Variants in RALYL observed in about 807,000 individuals in gnomAD.
RALYL encodes the protein RNA-binding Raly-like protein.
Under a neutral mutation model 35.1 loss-of-function variants are expected in RALYL, and 29 were observed. The observed-to-expected ratio is 0.83, with a 90% CI of 0.61 to 1.13. The LOEUF is 1.13. Among genes scored for constraint, RALYL ranks in the 50% most tolerant of loss-of-function variants. RALYL has a pLI of 0.00. For synonymous variants in RALYL, 120 were observed against 127.6 expected, an observed-to-expected ratio of 0.94 and a Z score of 0.40; for missense variants, 359 against 360.4, an observed-to-expected ratio of 1.00 and a Z score of 0.03.
chr8:84,380,255 C>G (rs17784506), intron 1 of RALYL, among the ~76,000 whole-genome samples: 6,222 of 151,948 alleles, frequency 0.041, 157 homozygotes, highest in Middle Eastern at 0.055. Context: ...GGTTCCCTCA[C>G]TCCTCACATC....
intron 1 of RALYL, among the ~76,000 whole-genome samples, chr8:84,305,907 A>C (rs933500981): frequency 2.6e-5 from 4 of 152,104 alleles, no homozygotes; most frequent in African/African-American, 9.7e-5. Flanking sequence ...CCAGTGTCCT[A>C]AGAGGCAGAG....
At chr8:84,338,668 C>T (rs990037751) in intron 1 of RALYL, among the ~76,000 whole-genome samples, 1 of 152,010 alleles carries the variant, frequency 6.6e-6, no homozygotes, top group African/African-American at 2.4e-5. Context: ...AATCAAACAG[C>T]CCTCTTTGGT....
At chr8:84,642,675 G>A (rs1263876015) in intron 2 of RALYL, among the ~76,000 whole-genome samples, 2 of 152,044 alleles carry the variant, frequency 1.3e-5, no homozygotes, top group Non-Finnish European at 2.9e-5. Context: ...ACAAACTCGG[G>A]CTAAGATGTT....
At chr8:84,248,094 T>A (rs1829471699) in intron 1 of RALYL, among the ~76,000 whole-genome samples, 1 of 152,114 alleles carries the variant, frequency 6.6e-6, no homozygotes, top group Non-Finnish European at 1.5e-5. Flanking sequence ...TATTCCTCCT[T>A]TAATTTGCTT....
At chr8:84,282,697 C>A (rs200218413) in intron 1 of RALYL, among the ~76,000 whole-genome samples, 1 of 79,966 alleles carries the variant, frequency 1.3e-5, no homozygotes, top group Non-Finnish European at 2.5e-5. Flanking sequence ...AGAATTAAAA[C>A]GTGTGTACAT....
Position 84,263,024 on chromosome 8 carries a change from C to T in RALYL, c.-24+78600C>T, listed in dbSNP as rs1309287570. ...CTAGTGTTTCTAGCTGTAATTTGAT[C>T]AGCCACAGACTGTTTTAAAATATAC... is the stretch of plus-strand genomic sequence containing the variant. On this transcript the variant is annotated intron_variant, in intron 1 of 8. Transcript: ENST00000521268. Among the ~76,000 whole-genome samples the T allele has an allele frequency of 2.6e-5, 4 of 152,074 alleles. No individual in the cohort carries two copies. In the South Asian group the frequency reaches 6.2e-4, roughly 24 times the overall value.
chr8:84,403,524 GTTTTTTTTTTTTTTTT>G (rs769845435), intron 1 of RALYL, among the ~76,000 whole-genome samples: 13 of 39,426 alleles, frequency 3.3e-4, no homozygotes, highest in East Asian at 2.2e-3. Context: ...CTATATCTCT[GTTTTTTTTTTTTTTTT>G]TTTTTTTTTT....
At chr8:84,643,083 C>G (rs942357983) in intron 2 of RALYL, among the ~76,000 whole-genome samples, 4 of 151,860 alleles carry the variant, frequency 2.6e-5, no homozygotes, top group Non-Finnish European at 5.9e-5. Context: ...GGCCCACACA[C>G]AAAGGTCACA....
At position 84,360,389 on chromosome 8, in the gene RALYL, A is replaced by G. The variant is rs148821340; in HGVS notation, c.-23-168910A>G. On this transcript the variant is annotated intron_variant, in intron 1 of 8. Coordinates refer to ENST00000521268, the MANE Select transcript of RALYL (RefSeq NM_173848.7). ...AATGTTGTCTTGAATCTTACAAGAG[A>G]TGTATCCACTTACAAACTTCTTACT... 8.5e-3 allele frequency among the ~76,000 whole-genome samples: 1,302 copies of G among 152,326 alleles called. 9 individuals are homozygous for G. The highest frequency in any genetic ancestry group is 0.024 in the Middle Eastern group (7 of 294).
intron 1 of RALYL, among the ~76,000 whole-genome samples, chr8:84,429,810 C>T (rs1048872608): frequency 6.6e-6 from 1 of 152,010 alleles, no homozygotes; most frequent in Admixed American, 6.6e-5. Flanking sequence ...ATGTCATTTA[C>T]TAGACAGAGT....
At chr8:84,881,973 C>T (rs1055982284) in intron 7 of RALYL, among the ~76,000 whole-genome samples, 2 of 151,878 alleles carry the variant, frequency 1.3e-5, no homozygotes, top group African/African-American at 4.8e-5. Context: ...TGACCATGAG[C>T]ACTTATTTGT....
At chr8:84,303,591 T>G (rs1841225470) in intron 1 of RALYL, among the ~76,000 whole-genome samples, 1 of 152,168 alleles carries the variant, frequency 6.6e-6, no homozygotes, top group Non-Finnish European at 1.5e-5. Flanking sequence ...AGTCTTTCAT[T>G]AAAACATGCT....
At chr8:84,476,713 A>G (rs1014995573) in intron 1 of RALYL, among the ~76,000 whole-genome samples, 3 of 152,178 alleles carry the variant, frequency 2.0e-5, no homozygotes, top group African/African-American at 7.2e-5. Context: ...AACATTTTTT[A>G]TTATGCTCTC....
At chr8:84,223,259 A>T (rs540266246) in intron 1 of RALYL, among the ~76,000 whole-genome samples, 72 of 101,104 alleles carry the variant, frequency 7.1e-4, no homozygotes, top group Non-Finnish European at 9.9e-4. Flanking sequence ...TCTTTCCTTC[A>T]TGTCTCTTTT....
intron 1 of RALYL, among the ~76,000 whole-genome samples, chr8:84,330,497 G>T (rs57379489): frequency 0.047 from 7,213 of 152,050 alleles, 266 homozygotes; most frequent in African/African-American, 0.083. Context: ...CTGCTGGGAG[G>T]TGGCAAAATG....
chr8:84,521,250 C>G (rs1201545347), intron 1 of RALYL, among the ~76,000 whole-genome samples: 1 of 152,186 alleles, frequency 6.6e-6, no homozygotes, highest in African/African-American at 2.4e-5. Flanking sequence ...AGGCAGTTAT[C>G]TGCAAGTCAG....
At chr8:84,353,836 T>A (rs6473547) in intron 1 of RALYL, among the ~76,000 whole-genome samples, 98,842 of 149,504 alleles carry the variant, frequency 0.66, 35,578 homozygotes, top group African/African-American at 0.89. Flanking sequence ...ATTTTTGTCT[T>A]TATTTGATAG....
intron 2 of RALYL, among the ~76,000 whole-genome samples, chr8:84,644,621 T>C (rs1169902736): frequency 6.6e-6 from 1 of 152,088 alleles, no homozygotes; most frequent in Non-Finnish European, 1.5e-5. Flanking sequence ...TAAATTCTAC[T>C]TTATCTGCAA....
At chr8:84,342,277 A>ATAT (rs1848942440) in intron 1 of RALYL, among the ~76,000 whole-genome samples, 2 of 66,106 alleles carry the variant, frequency 3.0e-5, no homozygotes, top group Admixed American at 1.5e-4. Context: ...AGCATCGTTC[A>ATAT]ATATATATAT....
Sources: allele counts gnomAD v4.1 joint callset (sites outside exome capture counted in the v4.1 genomes callset), GRCh38; gene constraint gnomAD v4.1.1; transcripts MANE v1.5; gene names NCBI Gene and HGNC (gene_info 2026-07-23, HGNC 2026-07-21).